The following ZBBX variants were observed in gnomAD, a reference collection of about 807,000 sequenced individuals.
ZBBX encodes the protein zinc finger B-box domain-containing protein 1.
In ZBBX, 101 loss-of-function variants were observed where a neutral mutation model predicts 108.5. The ratio of observed to expected loss-of-function variants is 0.93; its 90% CI spans 0.79 to 1.10. The LOEUF (loss-of-function observed/expected upper bound fraction) is 1.10. ZBBX is among the 50% of genes least tolerant of loss of function. The pLI is 0.00. For synonymous variants in ZBBX, 356 were observed against 323.4 expected (o/e 1.10, Z -1.08); for missense variants, 1,009 against 941.4 (o/e 1.07, Z -0.94).
At chr3:167,403,910 C>T (rs918047263) in intron 1 of ZBBX, among the ~76,000 whole-genome samples, 8 of 151,180 alleles carry the variant, frequency 5.3e-5, no homozygotes, top group Non-Finnish European at 1.0e-4. Context: ...AAAAGAAGAA[C>T]AAAAAATTAA....
At chr3:167,246,803 A>C (rs1307050430) in intron 20 of ZBBX, among the ~76,000 whole-genome samples, 1 of 152,230 alleles carries the variant, frequency 6.6e-6, no homozygotes, top group African/African-American at 2.4e-5. Context: ...TGTTAAGCTC[A>C]TCAAGGAAGT....
chr3:167,273,011 G>A (rs1203193419), intron 20 of ZBBX, among the ~76,000 whole-genome samples: 7 of 152,140 alleles, frequency 4.6e-5, no homozygotes, highest in East Asian at 1.9e-4. Context: ...ACTTTAAGTC[G>A]CTTCTATAAC....
chr3:167,334,242 A>G (rs969315551), intron 9 of ZBBX, among the ~76,000 whole-genome samples: 1 of 152,156 alleles, frequency 6.6e-6, no homozygotes, highest in African/African-American at 2.4e-5. Context: ...GGCAATTCTA[A>G]AACATAAATA....
At chr3:167,355,545 A>C (rs1743415609) in intron 8 of ZBBX, among the ~76,000 whole-genome samples, 3 of 151,678 alleles carry the variant, frequency 2.0e-5, no homozygotes, top group Admixed American at 6.6e-5. Context: ...ATATATCTAT[A>C]TCTATATACA....
At chr3:167,197,115 G>GTT in the ZBBX span, among the ~76,000 whole-genome samples, 1 of 152,162 alleles carries the variant, frequency 6.6e-6, no homozygotes, top group African/African-American at 2.4e-5. Flanking sequence ...CTTCCATTTG[G>GTT]TGACAAAGAG....
rs114657067 is a variant in ZBBX at position 167,387,478 on chromosome 3, C to T, written c.-445-7073G>A. Among the ~76,000 whole-genome samples the T allele has an allele frequency of 2.4e-3, 360 of 152,036 alleles. 2 individuals carry two copies. Among genetic ancestry groups the T allele is most frequent in the African/African-American group, 8.4e-3 (349 of 41,508 alleles). ...TGTTCAATGTTGGCCTAGTCTGTTGCGTAGGAACATCATACTGGTATGGAG... is the reference window on the plus strand; with the variant it reads ...TGTTCAATGTTGGCCTAGTCTGTTGTGTAGGAACATCATACTGGTATGGAG... On this transcript the variant is annotated intron_variant, in intron 1 of 21. Transcript: ENST00000455345.
chr3:167,195,992 G>T, the ZBBX span, among the ~76,000 whole-genome samples: 1 of 152,176 alleles, frequency 6.6e-6, no homozygotes, highest in African/African-American at 2.4e-5. Flanking sequence ...TCTGAAATCA[G>T]TGAAGCCATT....
intron 20 of ZBBX, among the ~76,000 whole-genome samples, chr3:167,269,927 C>T (rs1726230260): frequency 6.6e-6 from 1 of 152,176 alleles, no homozygotes; most frequent in African/African-American, 2.4e-5. Context: ...AGTGGGAAGA[C>T]ACCCAGTCAG....
chr3:167,380,225 CACCCGCAGACAGACA>C lies in ZBBX; in HGVS notation c.-287+7_-287+21del, dbSNP rs1747597186. 2 of 152,294 alleles carry C rather than the reference CACCCGCAGACAGACA, an allele frequency of 1.3e-5. No homozygotes were observed. Among genetic ancestry groups the C allele is most frequent in the South Asian group, 4.1e-4 (2 of 4,826 alleles). 9.4% of individuals were successfully genotyped at this position (152,294 alleles called of 1,614,324 possible). On this transcript the variant is annotated splice_region_variant and intron_variant, in intron 1 of 21. Coordinates refer to ENST00000675490, the MANE Select transcript of ZBBX (RefSeq NM_001199201.2). ...TCAGAGACCATCCTCCCCTCTCATC[CACCCGCAGACAGACA>C]ACCCACCTGGAGACCCCAGCCTCTC... is the stretch of plus-strand genomic sequence containing the variant.
chr3:167,260,162 C>T (rs1724229153), intron 20 of ZBBX, among the ~76,000 whole-genome samples: 2 of 152,146 alleles, frequency 1.3e-5, no homozygotes, highest in African/African-American at 4.8e-5. Flanking sequence ...GATAGGGCCC[C>T]AATCCCTTCT....
At chr3:167,365,718 A>G (rs1468362531) in intron 6 of ZBBX, among the ~76,000 whole-genome samples, 168 bp downstream of exon 6, 2 of 151,810 alleles carry the variant, frequency 1.3e-5, no homozygotes, top group Non-Finnish European at 3.0e-5. Flanking sequence ...ACATAATTGA[A>G]TAATGAAAGT....
At chr3:167,214,899 C>T in the ZBBX span, among the ~76,000 whole-genome samples, 46 of 151,948 alleles carry the variant, frequency 3.0e-4, 1 homozygote, top group South Asian at 2.1e-3. Flanking sequence ...TTTGAGTAAA[C>T]GACAAAATTA....
At chr3:167,318,186 T>C (rs888091017) in intron 12 of ZBBX, among the ~76,000 whole-genome samples, 6 of 151,954 alleles carry the variant, frequency 3.9e-5, no homozygotes, top group Non-Finnish European at 8.8e-5. Context: ...GGTTTCATAG[T>C]ATATAACCAA....
intron 6 of ZBBX, 22 bp downstream of exon 6, chr3:167,365,864 G>C: frequency 6.4e-7 from 1 of 1,553,854 alleles, no homozygotes. Context: ...AAATGCATAA[G>C]AATCAAATAG....
rs1745227301 is a variant in ZBBX, at chr3:167,365,805, G to A, written c.273+81C>T. ...TAAAATAAGAAGAGTATATTCCTGAGTATAGAAGAAAATGCAAGACCTAAA... is the reference window on the plus strand; with the variant it reads ...TAAAATAAGAAGAGTATATTCCTGAATATAGAAGAAAATGCAAGACCTAAA... On this transcript the variant is annotated intron_variant, in intron 6 of 21. Transcript: ENST00000675490. The A allele has an allele frequency of 6.5e-6, 6 of 916,366 alleles. No homozygotes were observed. The Admixed American group carries it at 7.1e-5, about 11-fold the overall frequency. The allele number at this position is 916,366 out of a possible 1,614,324, so 56.8% of individuals were successfully genotyped here. A position where few individuals can be genotyped will look rare whatever the true frequency, so the allele number is the denominator to read the frequency against.
At chr3:167,253,119 A>T (rs1366145705) in intron 20 of ZBBX, among the ~76,000 whole-genome samples, 1 of 152,258 alleles carries the variant, frequency 6.6e-6, no homozygotes, top group Non-Finnish European at 1.5e-5. Context: ...GAAAAAGCAG[A>T]ATAATAAAAA....
chr3:167,316,236 G>A (rs569518298), intron 14 of ZBBX, among the ~76,000 whole-genome samples: 1 of 151,998 alleles, frequency 6.6e-6, no homozygotes, highest in East Asian at 1.9e-4. Context: ...TTATCCAGAG[G>A]AGAAATAAAA....
intron 10 of ZBBX, among the ~76,000 whole-genome samples, chr3:167,331,149 A>G (rs763331857): frequency 1.4e-4 from 21 of 147,692 alleles, no homozygotes; most frequent in Non-Finnish European, 2.8e-4. Flanking sequence ...TAAACCGCTC[A>G]GTTGGAGGTA....
chr3:167,223,230 C>A, the ZBBX span, among the ~76,000 whole-genome samples: 1 of 151,774 alleles, frequency 6.6e-6, no homozygotes. Context: ...CGATTTCTGG[C>A]CTTTTGCTTG....
Sources: allele counts gnomAD v4.1 joint callset (sites outside exome capture counted in the v4.1 genomes callset), GRCh38; gene constraint gnomAD v4.1.1; transcripts MANE v1.5; gene names NCBI Gene and HGNC (gene_info 2026-07-23, HGNC 2026-07-21).